GDPD5: variants seen among roughly 807,000 people sequenced by gnomAD.
The protein encoded by GDPD5 is glycerophosphodiester phosphodiesterase domain containing 5, also known as glycerophosphodiester phosphodiesterase 2.
GDPD5 carries 48 observed loss-of-function variants against 75.1 expected under a neutral mutation model. The observed-to-expected ratio is 0.64, with a 90% CI of 0.51 to 0.81. The LOEUF is 0.81. Ranked by LOEUF, GDPD5 falls within the 40% of genes least tolerant of loss-of-function variation. The pLI is 0.00. For synonymous variants in GDPD5, 336 were observed against 339.0 expected (o/e 0.99, Z 0.10); for missense variants, 706 against 822.6 (o/e 0.86, Z 1.73).
At chr11:75,518,182 C>T (rs1950683938) in intron 1 of GDPD5, among the ~76,000 whole-genome samples, 1 of 152,164 alleles carries the variant, frequency 6.6e-6, no homozygotes, top group Admixed American at 6.5e-5. Flanking sequence ...GCCTCTGTGG[C>T]CCTTTCAGAG....
At position 75,444,272 on chromosome 11, in the gene GDPD5, C is replaced by A; in HGVS notation, c.797+141G>T. ...TCCTGGAGTCTGCAGGAACAGGGTG[C>A]CTGCCCTGCTGTGGATAATCTAAGT... is the stretch of plus-strand genomic sequence containing the variant. On this transcript the variant is annotated intron_variant, in intron 10 of 16. Coordinates refer to ENST00000336898, the MANE Select transcript of GDPD5 (RefSeq NM_030792.8). 9.3e-6 allele frequency: 6 copies of A among 644,792 alleles called. No homozygotes were observed. The South Asian group carries it at 1.1e-4, about 11-fold the overall frequency. 39.9% of individuals were successfully genotyped at this position (644,792 alleles called of 1,614,324 possible).
At chr11:75,482,936 G>A (rs1014931257) in intron 2 of GDPD5, among the ~76,000 whole-genome samples, 4 of 152,190 alleles carry the variant, frequency 2.6e-5, no homozygotes, top group Non-Finnish European at 4.4e-5. Context: ...GAGGCACTAG[G>A]GACTTCTTGG....
At chr11:75,468,439 A>G (rs540598778) in intron 3 of GDPD5, among the ~76,000 whole-genome samples, 6 of 152,212 alleles carry the variant, frequency 3.9e-5, no homozygotes, top group African/African-American at 1.4e-4. Flanking sequence ...TCTTCCTTCC[A>G]AGACATGGAG....
chr11:75,483,504 GC>G, intron 2 of GDPD5, among the ~76,000 whole-genome samples: 1 of 152,228 alleles, frequency 6.6e-6, no homozygotes, highest in African/African-American at 2.4e-5. Flanking sequence ...CCCCCAGACT[GC>G]ACTGCACTGC....
At chr11:75,486,740 C>A (rs1950027548) in intron 2 of GDPD5, among the ~76,000 whole-genome samples, 1 of 152,230 alleles carries the variant, frequency 6.6e-6, no homozygotes, top group Non-Finnish European at 1.5e-5. Flanking sequence ...CCCTTCCTGA[C>A]TGGGTCACTA....
intron 9 of GDPD5, 61 bp from the exon 10 acceptor site, chr11:75,444,556 A>G: frequency 7.9e-7 from 1 of 1,272,782 alleles, no homozygotes; most frequent in Admixed American, 1.7e-5. Flanking sequence ...CTCCCCAGCC[A>G]ATGGAAAGTC....
At chr11:75,504,595 T>C (rs2135462547) in intron 1 of GDPD5, among the ~76,000 whole-genome samples, 1 of 152,248 alleles carries the variant, frequency 6.6e-6, no homozygotes, top group Middle Eastern at 3.4e-3. Flanking sequence ...TTATATATGG[T>C]ATCTAAAATA....
chr11:75,473,033 G>A (rs1248071396), intron 3 of GDPD5, among the ~76,000 whole-genome samples: 2 of 152,018 alleles, frequency 1.3e-5, no homozygotes, highest in Non-Finnish European at 2.9e-5. Flanking sequence ...AGAGGGAATG[G>A]CAGGAGCAAA....
rs548163847 is a variant in GDPD5 at position 75,505,671 on chromosome 11, G to T, written c.-144-15351C>A. 3.3e-5 allele frequency among the ~76,000 whole-genome samples: 5 copies of T among 152,218 alleles called. 1 individual carries two copies. In the South Asian group the frequency reaches 1.0e-3, roughly 32 times the overall value. On this transcript the variant is annotated intron_variant, in intron 1 of 16. Transcript: ENST00000336898. The stretch of plus-strand genomic sequence containing the variant: ...TCTGGAGCCACAGCCTCATGATCCT[G>T]CCCCAGGCGACCTTTACTCACTTCA...
At chr11:75,475,794 C>T (rs1277741867) in intron 3 of GDPD5, among the ~76,000 whole-genome samples, 1 of 152,158 alleles carries the variant, frequency 6.6e-6, no homozygotes, top group African/African-American at 2.4e-5. Flanking sequence ...TAGCTCATGG[C>T]CCCCTGCTGC....
chr11:75,480,080 G>T (rs925559875), intron 2 of GDPD5, among the ~76,000 whole-genome samples: 3 of 152,006 alleles, frequency 2.0e-5, no homozygotes, highest in Non-Finnish European at 2.9e-5. Flanking sequence ...AGAATTGCTG[G>T]TCACAGCACT....
At chr11:75,509,748 C>G (rs901872808) in intron 1 of GDPD5, among the ~76,000 whole-genome samples, 1 of 152,166 alleles carries the variant, frequency 6.6e-6, no homozygotes, top group Admixed American at 6.5e-5. Context: ...GGCACGATCT[C>G]AGCTCACTGC....
At chr11:75,495,127 T>C (rs940465048) in intron 1 of GDPD5, among the ~76,000 whole-genome samples, 17 of 151,306 alleles carry the variant, frequency 1.1e-4, no homozygotes, top group Admixed American at 9.9e-4. Context: ...ATTAGCCGGG[T>C]GTGATGGCAC....
At chr11:75,479,674 C>G (rs11236438) in intron 2 of GDPD5, among the ~76,000 whole-genome samples, 1 of 152,128 alleles carries the variant, frequency 6.6e-6, no homozygotes, top group African/African-American at 2.4e-5. Context: ...AACAACCCCC[C>G]ACCCCCTTCT....
chr11:75,512,281 GACAC>G (rs145862089), intron 1 of GDPD5, among the ~76,000 whole-genome samples: 1,305 of 123,152 alleles, frequency 0.011, 14 homozygotes, highest in East Asian at 0.017. Context: ...AATTGGGAAG[GACAC>G]ACACACACAC....
intron 1 of GDPD5, among the ~76,000 whole-genome samples, chr11:75,519,196 C>G (rs1313146275): frequency 1.3e-5 from 2 of 152,104 alleles, no homozygotes; most frequent in African/African-American, 4.8e-5. Context: ...TCTGCCCAAG[C>G]TCTCCTCCTT....
intron 6 of GDPD5, among the ~76,000 whole-genome samples, chr11:75,453,823 GA>G (rs1949228045): frequency 6.6e-6 from 1 of 152,066 alleles, no homozygotes; most frequent in Non-Finnish European, 1.5e-5. Flanking sequence ...GAAACGTTGG[GA>G]AGCCATCTAA....
chr11:75,504,744 T>C (rs1296569799), intron 1 of GDPD5, among the ~76,000 whole-genome samples: 1 of 152,114 alleles, frequency 6.6e-6, no homozygotes, highest in Non-Finnish European at 1.5e-5. Context: ...TGCACAAGAA[T>C]GTGAATATAG....
chr11:75,448,963 G>A lies in GDPD5; in HGVS notation c.714+14C>T. On this transcript the variant is annotated intron_variant, in intron 9 of 16. Transcript: ENST00000336898. ...ACCCCAACGGGGCTGTTAGGACCCT[G>A]AGGTGGCACTCACCATGGGGGCCCC... The A allele has an allele frequency of 6.4e-7, 1 of 1,556,080 alleles. No individual in the cohort carries two copies. The highest frequency in any genetic ancestry group is 8.6e-7 in the Non-Finnish European group (1 of 1,161,544).
Sources: gnomAD v4.1 joint callset for allele counts (sites outside exome capture counted in the v4.1 genomes callset) on GRCh38, gnomAD v4.1.1 for gene constraint, MANE v1.5 for transcripts, NCBI Gene and HGNC (gene_info 2026-07-23, HGNC 2026-07-21) for gene names.